The following PARD3B variants were observed in gnomAD, a reference collection of about 807,000 sequenced individuals.
The protein encoded by PARD3B is partitioning defective 3 homolog B.
A neutral mutation model predicts 130.2 loss-of-function variants in PARD3B; 103 were observed. The ratio of observed to expected loss-of-function variants is 0.79; its 90% CI spans 0.67 to 0.93. The LOEUF is 0.93. Among genes scored for constraint, PARD3B ranks in the 40% least tolerant of loss-of-function variants. The pLI, the probability that PARD3B is intolerant of heterozygous loss-of-function variation, is 0.00. For missense variants in PARD3B, 1,609 were observed against 1,499.2 expected (o/e 1.07, Z -1.21); for synonymous variants, 583 against 553.2 (o/e 1.05, Z -0.76).
intron 2 of PARD3B, among the ~76,000 whole-genome samples, chr2:204,717,884 G>A (rs577942144): frequency 2.0e-5 from 3 of 152,264 alleles, no homozygotes; most frequent in Non-Finnish European, 4.4e-5. Flanking sequence ...CAATAGGTTC[G>A]TTCTCAGTTT....
At chr2:205,111,821 GA>G (rs1367436733) in intron 5 of PARD3B, among the ~76,000 whole-genome samples, 2 of 152,028 alleles carry the variant, frequency 1.3e-5, no homozygotes, top group African/African-American at 4.8e-5. Flanking sequence ...AGCAAAGCTT[GA>G]ATCTCTGTTT....
intron 18 of PARD3B, among the ~76,000 whole-genome samples, chr2:205,320,835 T>A (rs1480901297): frequency 6.6e-6 from 1 of 152,204 alleles, no homozygotes; most frequent in South Asian, 2.1e-4. Flanking sequence ...GCTGGGCCAA[T>A]ATTTCAATAA....
intron 4 of PARD3B, among the ~76,000 whole-genome samples, chr2:205,049,990 C>T (rs1292875770): frequency 6.6e-6 from 1 of 151,962 alleles, no homozygotes; most frequent in Non-Finnish European, 1.5e-5. Context: ...GTAAAATAAT[C>T]TCCATGAATA....
At chr2:204,760,834 A>G (rs1460210600) in intron 2 of PARD3B, among the ~76,000 whole-genome samples, 1 of 152,150 alleles carries the variant, frequency 6.6e-6, no homozygotes, top group African/African-American at 2.4e-5. Context: ...AATTCAAGTG[A>G]AGTAGTACTT....
chr2:204,693,942 C>G (rs755736889), intron 2 of PARD3B, among the ~76,000 whole-genome samples: 32 of 152,052 alleles, frequency 2.1e-4, no homozygotes, highest in Non-Finnish European at 4.0e-4. Flanking sequence ...TGCAGCAGTG[C>G]CTGGCATTTC....
chr2:204,923,691 T>C (rs2047769428), intron 2 of PARD3B, among the ~76,000 whole-genome samples: 2 of 152,046 alleles, frequency 1.3e-5, no homozygotes, highest in African/African-American at 2.4e-5. Flanking sequence ...CCTATTTCAA[T>C]TAAATAATTT....
At chr2:204,721,440 G>A (rs2125320565) in intron 2 of PARD3B, among the ~76,000 whole-genome samples, 1 of 152,242 alleles carries the variant, frequency 6.6e-6, no homozygotes, top group South Asian at 2.1e-4. Flanking sequence ...ATCTCTAGTA[G>A]TTGTTGCCAT....
At chr2:205,306,398 CG>C (rs1477422999) in intron 18 of PARD3B, among the ~76,000 whole-genome samples, 4 of 152,052 alleles carry the variant, frequency 2.6e-5, no homozygotes, top group Admixed American at 2.6e-4. Flanking sequence ...AAGGTGTTAA[CG>C]AAAAACACTA....
chr2:205,327,618 C>A (rs1028431295), intron 18 of PARD3B, among the ~76,000 whole-genome samples: 2 of 152,162 alleles, frequency 1.3e-5, no homozygotes, highest in Non-Finnish European at 2.9e-5. Flanking sequence ...TGGCGCCATA[C>A]TCCTCCCTTT....
At chr2:205,050,506 C>T (rs1311390255) in intron 4 of PARD3B, among the ~76,000 whole-genome samples, 7 of 151,886 alleles carry the variant, frequency 4.6e-5, no homozygotes, top group African/African-American at 1.2e-4. Flanking sequence ...CCACATGTGG[C>T]TATTGAGCTC....
chr2:204,829,827 G>A (rs946365309), intron 2 of PARD3B, among the ~76,000 whole-genome samples: 14 of 151,842 alleles, frequency 9.2e-5, no homozygotes, highest in Non-Finnish European at 1.9e-4. Context: ...GTGAAACCCC[G>A]TCTCTACTAA....
At chr2:205,557,170 G>A (rs953695478) in intron 22 of PARD3B, among the ~76,000 whole-genome samples, 11 of 152,292 alleles carry the variant, frequency 7.2e-5, no homozygotes, top group South Asian at 4.2e-4. Flanking sequence ...TCCTACATGC[G>A]TGGGCGGCAA....
At chr2:204,919,149 AT>A (rs1559258951) in intron 2 of PARD3B, among the ~76,000 whole-genome samples, 1 of 152,138 alleles carries the variant, frequency 6.6e-6, no homozygotes, top group East Asian at 1.9e-4. Flanking sequence ...AAGGCGTCTT[AT>A]TTTTTTATGC....
At chr2:205,582,633 A>G (rs1330321316) in intron 22 of PARD3B, among the ~76,000 whole-genome samples, 1 of 151,964 alleles carries the variant, frequency 6.6e-6, no homozygotes, top group Non-Finnish European at 1.5e-5. Flanking sequence ...TGAAACACAG[A>G]ACAAATGGAA....
chr2:205,344,661 C>A (rs2105821329), intron 18 of PARD3B, among the ~76,000 whole-genome samples: 1 of 152,244 alleles, frequency 6.6e-6, no homozygotes, highest in East Asian at 1.9e-4. Flanking sequence ...GGTTCTCACC[C>A]AGGGGTACAT....
intron 18 of PARD3B, among the ~76,000 whole-genome samples, chr2:205,342,564 C>G (rs2043583910): frequency 6.6e-6 from 1 of 151,954 alleles, no homozygotes; most frequent in Admixed American, 6.6e-5. Context: ...TGCAAGACTC[C>G]AAATAGGAGC....
chr2:205,346,889 T>G (rs960565600), intron 18 of PARD3B, among the ~76,000 whole-genome samples: 5 of 152,166 alleles, frequency 3.3e-5, no homozygotes, highest in Non-Finnish European at 7.4e-5. Context: ...GTCTCCTTTT[T>G]AAATAGCGCC....
intron 20 of PARD3B, among the ~76,000 whole-genome samples, chr2:205,485,803 G>C (rs890220364): frequency 3.9e-5 from 6 of 152,114 alleles, no homozygotes; most frequent in African/African-American, 1.4e-4. Context: ...GTTCCTTCCA[G>C]CTGGCATGCC....
At chr2:205,279,070 CAA>C (rs57717513) in intron 16 of PARD3B, among the ~76,000 whole-genome samples, 1,177 of 38,864 alleles carry the variant, frequency 0.03, 32 homozygotes, top group African/African-American at 0.1. Flanking sequence ...GAATCTGTCT[CAA>C]AAAAAAAAAA....
Sources: gnomAD v4.1 joint callset for allele counts (sites outside exome capture counted in the v4.1 genomes callset) on GRCh38, gnomAD v4.1.1 for gene constraint, MANE v1.5 for transcripts, NCBI Gene and HGNC (gene_info 2026-07-23, HGNC 2026-07-21) for gene names.